The following RPS6KA5 variants were observed in gnomAD, a reference collection of about 807,000 sequenced individuals.
The protein encoded by RPS6KA5 is ribosomal protein S6 kinase alpha-5.
A neutral mutation model predicts 85.5 loss-of-function variants in RPS6KA5; 27 were observed. That is an observed-to-expected ratio of 0.32 (90% CI 0.23 to 0.44). RPS6KA5 has a LOEUF of 0.44. Ranked by LOEUF, RPS6KA5 falls within the 20% of genes least tolerant of loss-of-function variation. The pLI is 1.00. For missense variants in RPS6KA5, 811 were observed against 980.9 expected, an observed-to-expected ratio of 0.83 and a Z score of 2.31; for synonymous variants, 334 against 348.2, an observed-to-expected ratio of 0.96 and a Z score of 0.46.
chr14:90,883,280 T>C (rs911517778), intron 14 of RPS6KA5, among the ~76,000 whole-genome samples: 1 of 152,224 alleles, frequency 6.6e-6, no homozygotes, highest in African/African-American at 2.4e-5. Flanking sequence ...GTTGGTCCTC[T>C]TGATGGCATC....
intron 1 of RPS6KA5, among the ~76,000 whole-genome samples, chr14:91,031,525 A>G (rs375209393): frequency 2.0e-5 from 3 of 152,318 alleles, no homozygotes; most frequent in African/African-American, 7.2e-5. Flanking sequence ...GAAGAGACGG[A>G]ACAGAGTTCC....
chr14:90,951,118 CAAAAAAA>C (rs57389099), intron 3 of RPS6KA5, among the ~76,000 whole-genome samples: 1 of 84,570 alleles, frequency 1.2e-5, no homozygotes, highest in African/African-American at 5.1e-5. Flanking sequence ...GACTCAGTCT[CAAAAAAA>C]AAAAAAAAAA....
intron 6 of RPS6KA5, 83 bp from the exon 7 acceptor site, chr14:90,920,392 A>G (rs2036343657): frequency 1.0e-6 from 1 of 963,270 alleles, no homozygotes; most frequent in Non-Finnish European, 1.6e-6. Context: ...AAAGCTATCT[A>G]TTAGGAAAAT....
chr14:90,915,447 C>G lies in RPS6KA5; in HGVS notation c.806+4759G>C, dbSNP rs760261165. 3.9e-5 allele frequency among the ~76,000 whole-genome samples: 6 copies of G among 152,102 alleles called. No homozygotes were observed. In the South Asian group the frequency reaches 1.2e-3, roughly 32 times the overall value. On this transcript the variant is annotated intron_variant, in intron 7 of 16. Coordinates refer to ENST00000614987, the MANE Select transcript of RPS6KA5 (RefSeq NM_004755.4). ...GACAAAGAGAGTTGTCAGGTTAGAG[C>G]AGCCCACATTGCAAGGAACTGAGAG...
intron 13 of RPS6KA5, among the ~76,000 whole-genome samples, chr14:90,890,920 A>T (rs534240683): frequency 2.1e-4 from 32 of 151,380 alleles, no homozygotes; most frequent in Middle Eastern, 6.8e-3. Flanking sequence ...CTGATGTCAG[A>T]CCCTTTTTCT....
chr14:90,967,232 T>C (rs145146502), intron 3 of RPS6KA5, among the ~76,000 whole-genome samples: 1 of 152,202 alleles, frequency 6.6e-6, no homozygotes, highest in Admixed American at 6.5e-5. Context: ...AATGATTATA[T>C]CTTAATTCCT....
chr14:91,008,709 C>T (rs1390368425), intron 1 of RPS6KA5, among the ~76,000 whole-genome samples: 4 of 152,118 alleles, frequency 2.6e-5, no homozygotes, highest in Admixed American at 1.3e-4. Context: ...GTGAGAAAAA[C>T]ATAACATAAA....
At chr14:90,973,220 C>G (rs920078236) in intron 3 of RPS6KA5, among the ~76,000 whole-genome samples, 1 of 152,132 alleles carries the variant, frequency 6.6e-6, no homozygotes, top group African/African-American at 2.4e-5. Flanking sequence ...GTGGGCAGAT[C>G]ACTTGAGGTC....
At chr14:90,957,071 T>C (rs1462383467) in intron 3 of RPS6KA5, among the ~76,000 whole-genome samples, 1 of 151,974 alleles carries the variant, frequency 6.6e-6, no homozygotes, top group Non-Finnish European at 1.5e-5. Flanking sequence ...TTTTGTTTTG[T>C]TTTGTTTTTT....
rs1595556357 is a variant in RPS6KA5, at chr14:91,048,791, C to T, written c.103+11541G>A. ...CTGTGACAACCCCTCCCTCCCACAG[C>T]ACTTTAGGATTGACATCTCTCAACA... is the stretch of plus-strand genomic sequence containing the variant. On this transcript the variant is annotated intron_variant, in intron 1 of 16. Coordinates refer to ENST00000614987, the MANE Select transcript of RPS6KA5 (RefSeq NM_004755.4). Among the ~76,000 whole-genome samples the T allele has an allele frequency of 3.3e-5, 5 of 152,216 alleles. No individual in the cohort carries two copies. In the East Asian group the frequency reaches 9.6e-4, roughly 29 times the overall value.
At chr14:90,940,740 C>A (rs934012992) in intron 5 of RPS6KA5, among the ~76,000 whole-genome samples, 1 of 152,160 alleles carries the variant, frequency 6.6e-6, no homozygotes, top group Non-Finnish European at 1.5e-5. Flanking sequence ...GGAACCAGGG[C>A]GCACAGCAGG....
intron 5 of RPS6KA5, among the ~76,000 whole-genome samples, chr14:90,933,173 T>TC (rs1293871191): frequency 6.6e-6 from 1 of 152,240 alleles, no homozygotes; most frequent in East Asian, 1.9e-4. Context: ...AAACATTTTT[T>TC]CACTTGTCTT....
chr14:90,976,993 G>C (rs1047831170), intron 3 of RPS6KA5, among the ~76,000 whole-genome samples: 5 of 152,138 alleles, frequency 3.3e-5, no homozygotes, highest in Non-Finnish European at 5.9e-5. Context: ...GGAAACAGAA[G>C]ACAGACATTG....
rs550332245 is a variant in RPS6KA5, at chr14:90,847,949, A to G, written c.*24125T>C. On this transcript the variant is annotated 3_prime_UTR_variant, in exon 17 of 17. Transcript: ENST00000614987. ...ACAAGTTGGTAAAAAGTAAGCCCTTACTGCTTTGTTAAAAATAAAACCCAT... is the reference window on the plus strand; with the variant it reads ...ACAAGTTGGTAAAAAGTAAGCCCTTGCTGCTTTGTTAAAAATAAAACCCAT... The G allele has an allele frequency of 1.6e-4, 24 of 152,352 alleles. No individual in the cohort carries two copies. In the South Asian group the frequency reaches 4.6e-3, roughly 29 times the overall value. 9.4% of individuals were successfully genotyped at this position (152,352 alleles called of 1,614,324 possible).
chr14:90,912,239 T>C (rs1385356609), intron 7 of RPS6KA5, among the ~76,000 whole-genome samples: 3 of 152,208 alleles, frequency 2.0e-5, no homozygotes, highest in Non-Finnish European at 4.4e-5. Flanking sequence ...TTTCTCTTTC[T>C]CCTTAGGAGT....
In RPS6KA5 at chr14:90,900,622, C is replaced by T. The variant is rs778160536; in HGVS notation, c.1234G>A (p.Ala412Thr). ...RPGVTNVARS[A>T]MMKDSPFYQH... ...CCACATCTATATACCTTCATCATTG[C>T]ACTCCTGGCAACATTTGTCACTCCA... Residue 412 changes from alanine (A) to threonine (T), a missense_variant, in exon 10 of 17, where the codon GCA (alanine) becomes ACA (threonine). Physicochemically the swap from Ala to Thr is moderately conservative, Grantham distance 58. Around this residue, in one of 3 missense-constraint regions of RPS6KA5, gnomAD observed 650 missense variants for 793.4 expected, o/e 0.82. Transcript: ENST00000614987. The T allele has an allele frequency of 6.2e-7, 1 of 1,613,488 alleles. No homozygotes were observed. Among genetic ancestry groups the T allele is most frequent in the South Asian group, 1.1e-5 (1 of 90,974 alleles).
intron 1 of RPS6KA5, among the ~76,000 whole-genome samples, chr14:91,024,884 T>G (rs1048991702): frequency 7.2e-5 from 11 of 152,150 alleles, no homozygotes; most frequent in African/African-American, 2.4e-4. Context: ...GCCAATTTTT[T>G]TTTTAAATTT....
chr14:90,891,027 A>G (rs1231562512), intron 13 of RPS6KA5, among the ~76,000 whole-genome samples: 1 of 151,828 alleles, frequency 6.6e-6, no homozygotes, highest in Non-Finnish European at 1.5e-5. Context: ...TAACTGTCCT[A>G]CCAAACTGAA....
intron 3 of RPS6KA5, among the ~76,000 whole-genome samples, chr14:90,959,024 T>C (rs2038665731): frequency 6.6e-6 from 1 of 151,844 alleles, no homozygotes; most frequent in African/African-American, 2.4e-5. Flanking sequence ...TAACATCCAG[T>C]ACAAAGATCC....
Sources: gnomAD v4.1 joint callset for allele counts (sites outside exome capture counted in the v4.1 genomes callset) on GRCh38, gnomAD v4.1.1 for gene constraint, gnomAD v4.1.1 regional missense constraint, MANE v1.5 for transcripts, NCBI Gene and HGNC (gene_info 2026-07-23, HGNC 2026-07-21) for gene names.